COL14A1: variants seen among roughly 807,000 people sequenced by gnomAD.
COL14A1 encodes the protein collagen type XIV alpha 1 chain.
A neutral mutation model predicts 230.3 loss-of-function variants in COL14A1; 136 were observed. The observed-to-expected ratio is 0.59, with a 90% CI of 0.51 to 0.68. The LOEUF (loss-of-function observed/expected upper bound fraction) is 0.68. COL14A1 is among the 30% of genes least tolerant of loss of function. The pLI, the probability that COL14A1 is intolerant of heterozygous loss-of-function variation, is 0.00. For missense variants in COL14A1, 1,976 were observed against 2,215.8 expected, an observed-to-expected ratio of 0.89 and a Z score of 2.17; for synonymous variants, 792 against 784.1, an observed-to-expected ratio of 1.01 and a Z score of -0.17.
chr8:120,215,019 G>A (rs910603599), intron 13 of COL14A1, among the ~76,000 whole-genome samples: 1 of 152,214 alleles, frequency 6.6e-6, no homozygotes. Context: ...GAAAAGGCAC[G>A]GAGTAGTAGC....
rs548047297 is a variant in COL14A1, at chr8:120,130,452, A to C, written c.-38+5112A>C. Among the ~76,000 whole-genome samples, 280 of 151,552 alleles carry C rather than the reference A, an allele frequency of 1.8e-3. 1 individual carries two copies. Among genetic ancestry groups the C allele is most frequent in the African/African-American group, 6.1e-3 (253 of 41,280 alleles). The stretch of plus-strand genomic sequence containing the variant: ...CTGCCTCCTCATCTTCTTCCTCTTC[A>C]TCATTTTCCCTTTTCTTCTTCCTTC... On this transcript the variant is annotated intron_variant, in intron 1 of 47. Coordinates refer to ENST00000297848, the MANE Select transcript of COL14A1 (RefSeq NM_021110.4).
chr8:120,155,252 T>C (rs755963984), intron 2 of COL14A1, among the ~76,000 whole-genome samples: 12 of 152,206 alleles, frequency 7.9e-5, no homozygotes, highest in Non-Finnish European at 1.3e-4. Context: ...GAGTAGAGTA[T>C]TGATGGATTT....
At chr8:120,245,338 C>G (rs1818729657) in intron 20 of COL14A1, among the ~76,000 whole-genome samples, 1 of 152,194 alleles carries the variant, frequency 6.6e-6, no homozygotes, top group African/African-American at 2.4e-5. Context: ...GGGGCCTCAT[C>G]AATACTGTTC....
At chr8:120,267,845 G>T (rs1158086761) in intron 25 of COL14A1, among the ~76,000 whole-genome samples, 1 of 151,832 alleles carries the variant, frequency 6.6e-6, no homozygotes, top group Non-Finnish European at 1.5e-5. Flanking sequence ...TGAAATCTAT[G>T]TTTAAGAATG....
intron 5 of COL14A1, among the ~76,000 whole-genome samples, chr8:120,174,625 T>G (rs1011275514): frequency 2.0e-5 from 3 of 152,146 alleles, no homozygotes; most frequent in Non-Finnish European, 4.4e-5. Context: ...GAGCCCACTT[T>G]CAGGCAGGCA....
chr8:120,229,104 A>ATTTTATTTTATTTTT (rs1818184071), intron 18 of COL14A1, among the ~76,000 whole-genome samples: 1 of 143,214 alleles, frequency 7.0e-6, no homozygotes, highest in African/African-American at 2.6e-5. Context: ...ATTTTATTTT[A>ATTTTATTTTATTTTT]TTTTATTTTA....
At chr8:120,261,132 G>A (rs143858718) in intron 23 of COL14A1, among the ~76,000 whole-genome samples, 3 of 152,250 alleles carry the variant, frequency 2.0e-5, no homozygotes, top group East Asian at 1.9e-4. Flanking sequence ...AAAGATAAAT[G>A]TTTGAAGTGA....
Position 120,142,105 on chromosome 8 carries a change from G to GT in COL14A1, c.-37-5692dup, listed in dbSNP as rs139527263. On this transcript the variant is annotated intron_variant, in intron 1 of 47. Transcript: ENST00000297848. ...TTCTCCAAAAAGACAAACGTGGCCT[G>GT]TTTTTTTTTACCTTTCTTTTCCTTG... Among the ~76,000 whole-genome samples the GT allele has an allele frequency of 9.1e-3, 1,374 of 150,990 alleles. 14 individuals carry two copies. Among genetic ancestry groups the GT allele is most frequent in the Non-Finnish European group, 0.015 (982 of 67,628 alleles).
intron 2 of COL14A1, among the ~76,000 whole-genome samples, chr8:120,156,983 G>A (rs901442974): frequency 6.6e-6 from 1 of 152,106 alleles, no homozygotes; most frequent in Non-Finnish European, 1.5e-5. Context: ...GATAAAAAAG[G>A]CTAACTTTTC....
chr8:120,267,091 A>G, intron 25 of COL14A1: 1 of 527,190 alleles, frequency 1.9e-6, no homozygotes, highest in Non-Finnish European at 3.4e-6. Flanking sequence ...ATTTACTAAC[A>G]GAATTGCTTA....
chr8:120,332,621 G>A (rs1343046492), intron 41 of COL14A1, 43 bp from the exon 42 acceptor site: 2 of 1,540,188 alleles, frequency 1.3e-6, no homozygotes, highest in Non-Finnish European at 1.8e-6. Flanking sequence ...TGATGAGAAT[G>A]TGTGATTCCT....
In COL14A1 at chr8:120,141,386, T is replaced by A. The variant is rs185074414; in HGVS notation, c.-37-6420T>A. Among the ~76,000 whole-genome samples, 27 of 151,916 alleles carry A rather than the reference T, an allele frequency of 1.8e-4. No homozygotes were observed. In the East Asian group the frequency reaches 4.9e-3, roughly 27 times the overall value. The stretch of plus-strand genomic sequence containing the variant: ...GGGGAGACCACATTTCTACAAAAAA[T>A]TTTTAAAAAATCAGCAAGGTGTGGT... On this transcript the variant is annotated intron_variant, in intron 1 of 47. Transcript: ENST00000297848.
intron 19 of COL14A1, among the ~76,000 whole-genome samples, chr8:120,235,186 T>G (rs1034091577): frequency 2.0e-5 from 3 of 152,166 alleles, no homozygotes; most frequent in Non-Finnish European, 2.9e-5. Context: ...TATTTTTTGT[T>G]GAGATGGAGT....
In COL14A1 at chr8:120,315,954, G is replaced by A; in HGVS notation, c.4616G>A (p.Gly1539Glu). 1 of 1,613,898 alleles carries A rather than the reference G, an allele frequency of 6.2e-7. No individual in the cohort carries two copies. The highest frequency in any genetic ancestry group is 8.5e-7 in the Non-Finnish European group (1 of 1,179,966). Residue 1539 changes from glycine (G) to glutamate (E), a missense_variant, in exon 40 of 48, where the codon GGA (glycine) becomes GAA (glutamate). By Grantham distance (98) the Gly-to-Glu change is moderately conservative. Coordinates refer to ENST00000297848, the MANE Select transcript of COL14A1 (RefSeq NM_021110.4). ...TGLPGPQGIP[G>E]GVGSPGRDGS... Reference sequence around the variant, plus strand: ...CCCTGTTCTACACAGGGTATCCCAGGAGGCGTTGGTTCACCAGGACGTGAT... The same window carrying A: ...CCCTGTTCTACACAGGGTATCCCAGAAGGCGTTGGTTCACCAGGACGTGAT...
At chr8:120,360,616 C>G (rs762266690) in intron 45 of COL14A1, among the ~76,000 whole-genome samples, 3 of 152,222 alleles carry the variant, frequency 2.0e-5, no homozygotes, top group African/African-American at 7.2e-5. Flanking sequence ...TATTGGAAAG[C>G]CTTCTGCAGT....
In COL14A1 at chr8:120,197,793, C is replaced by A. The variant is rs756007698; in HGVS notation, c.593-18C>A. The A allele has an allele frequency of 4.4e-6, 7 of 1,596,396 alleles. No homozygotes were observed. The highest frequency in any genetic ancestry group is 6.0e-6 in the Non-Finnish European group (7 of 1,169,328). On this transcript the variant is annotated intron_variant, in intron 6 of 47. Coordinates refer to ENST00000297848, the MANE Select transcript of COL14A1 (RefSeq NM_021110.4). ...GTAACCCATTATTCCTGGTGCGTTT[C>A]CTAATCTTTTTTTCCAGGTCTTGCA...
In COL14A1 at chr8:120,371,185, T is replaced by A; in HGVS notation, c.5345T>A (p.Val1782Asp). 6.2e-7 allele frequency: 1 copy of A among 1,611,310 alleles called. No homozygotes were observed. Among genetic ancestry groups the A allele is most frequent in the Non-Finnish European group, 8.5e-7 (1 of 1,178,800 alleles). The change falls in exon 48 of 48, where the codon GTC (valine) becomes GAC (aspartate). Residue 1782 changes from valine (V) to aspartate (D), a missense_variant. Physicochemically the swap from Val to Asp is radical, Grantham distance 152. Around this residue, in one of 3 missense-constraint regions of COL14A1, gnomAD observed 1,791 missense variants for 2,019.5 expected, o/e 0.89. Coordinates refer to ENST00000297848, the MANE Select transcript of COL14A1 (RefSeq NM_021110.4). ...CCAGATCAGCCAGAGTTCACCCCTG[T>A]CCAAGATGAGCTGGAAGCCATGGAA... Reference protein sequence around the residue: ...PHPDQPEFTPVQDELEAMELW... With the variant: ...PHPDQPEFTPDQDELEAMELW...
At chr8:120,135,511 T>G (rs77678583) in intron 1 of COL14A1, among the ~76,000 whole-genome samples, 6,832 of 152,258 alleles carry the variant, frequency 0.045, 351 homozygotes, top group South Asian at 0.14. Context: ...GTGATCTGCC[T>G]GTCTTGGCCT....
At chr8:120,192,356 G>C (rs903015184) in intron 5 of COL14A1, among the ~76,000 whole-genome samples, 13 of 152,148 alleles carry the variant, frequency 8.5e-5, no homozygotes, top group Middle Eastern at 3.2e-3. Context: ...TTTTCTTTAA[G>C]AATGTTGAAT....
Sources: allele counts gnomAD v4.1 joint callset (sites outside exome capture counted in the v4.1 genomes callset), GRCh38; gene constraint gnomAD v4.1.1; regional missense constraint gnomAD v4.1.1; transcripts MANE v1.5; gene names NCBI Gene and HGNC (gene_info 2026-07-23, HGNC 2026-07-21).